Variants in MYO5C observed in about 807,000 individuals in gnomAD.
The protein encoded by MYO5C is myosin VC, also known as unconventional myosin-Vc.
Under a neutral mutation model 235.7 loss-of-function variants are expected in MYO5C, and 194 were observed. That is an observed-to-expected ratio of 0.82 (90% CI 0.73 to 0.93). The LOEUF is 0.93. MYO5C is among the 40% of genes least tolerant of loss of function. MYO5C has a pLI of 0.00. For synonymous variants in MYO5C, 707 were observed against 754.8 expected (o/e 0.94, Z 1.04); for missense variants, 2,038 against 2,127.2 (o/e 0.96, Z 0.82).
intron 29 of MYO5C, among the ~76,000 whole-genome samples, chr15:52,222,711 G>A (rs1431475838): frequency 1.3e-5 from 2 of 152,176 alleles, no homozygotes; most frequent in Non-Finnish European, 2.9e-5. Context: ...AAAGAAATGG[G>A]TGATGGCCAC....
chr15:52,275,772 A>G, intron 4 of MYO5C, 54 bp from the exon 5 acceptor site: 1 of 1,564,370 alleles, frequency 6.4e-7, no homozygotes, highest in South Asian at 1.1e-5. Context: ...AAGAGGCAAC[A>G]TGTGCTAATT....
intron 34 of MYO5C, 135 bp from the exon 35 acceptor site, chr15:52,212,019 T>C: frequency 2.5e-6 from 2 of 812,846 alleles, no homozygotes; most frequent in East Asian, 5.5e-5. Context: ...ATTTATTTCC[T>C]CTTTGAGGAA....
In MYO5C at chr15:52,205,113, G is replaced by C. The variant is rs754210704; in HGVS notation, c.4572C>G (p.Gly1524=). ...AGCCTGTGGGCTTCAGGCCGGAAATGCCCTGCAGGCTCTCATACTCCAGCA... is the reference window on the plus strand; with the variant it reads ...AGCCTGTGGGCTTCAGGCCGGAAATCCCCTGCAGGCTCTCATACTCCAGCA... The part of the protein sequence containing the change: ...PGMLEYESLQ[G]ISGLKPTGFR... The change falls in exon 38 of 41, where the codon GGC becomes GGG. Residue 1524 remains glycine, a synonymous_variant. Transcript: ENST00000261839. The C allele has an allele frequency of 2.8e-5, 46 of 1,614,196 alleles. No homozygotes were observed. In the East Asian group the frequency reaches 8.9e-4, roughly 31 times the overall value.
chr15:52,242,160 T>C lies in MYO5C; in HGVS notation c.2444A>G (p.Gln815Arg). ...LKEAWAAIII[Q>R]KHCRGYLVRS... Reference sequence around the variant, plus strand: ...AACAAGATACCCGCGGCAGTGCTTCTGAATGATTATGGCTGCCCAAGCTTC... The same window carrying C: ...AACAAGATACCCGCGGCAGTGCTTCCGAATGATTATGGCTGCCCAAGCTTC... The change falls in exon 20 of 41, where the codon CAG becomes CGG. Residue 815 changes from glutamine (Q) to arginine (R), a missense_variant. Coordinates refer to ENST00000261839, the MANE Select transcript of MYO5C (RefSeq NM_018728.4). 6.2e-7 allele frequency: 1 copy of C among 1,614,144 alleles called. No homozygotes were observed. The highest frequency in any genetic ancestry group is 8.5e-7 in the Non-Finnish European group (1 of 1,179,972).
At chr15:52,218,469 C>A in intron 32 of MYO5C, 50 bp downstream of exon 32, 1 of 1,572,064 alleles carries the variant, frequency 6.4e-7, no homozygotes, top group South Asian at 1.1e-5. Context: ...CCCCTTTCAG[C>A]AACATCTGCA....
chr15:52,224,872 A>G, intron 28 of MYO5C, 29 bp downstream of exon 28: 4 of 1,577,838 alleles, frequency 2.5e-6, no homozygotes, highest in Non-Finnish European at 3.5e-6. Context: ...TCTGAAAAAT[A>G]AAGAAGATCC....
chr15:52,259,848 C>A (rs2036654653), intron 10 of MYO5C, among the ~76,000 whole-genome samples: 1 of 152,258 alleles, frequency 6.6e-6, no homozygotes, highest in Non-Finnish European at 1.5e-5. Context: ...GCCCTGTCCC[C>A]CTCCTCCCCA....
intron 23 of MYO5C, 57 bp downstream of exon 23, chr15:52,235,613 T>C: frequency 2.9e-6 from 4 of 1,401,476 alleles, no homozygotes; most frequent in Admixed American, 1.9e-5. Context: ...AACCCCAGTA[T>C]TGTTTACTGA....
rs771686698 is a variant in MYO5C, at chr15:52,244,447, T to C, written c.2299A>G (p.Met767Val). 16 of 1,614,100 alleles carry C rather than the reference T, an allele frequency of 9.9e-6. No homozygotes were observed. Among genetic ancestry groups the C allele is most frequent in the Middle Eastern group, 3.3e-4 (2 of 6,076 alleles). Residue 767 changes from methionine (M) to valine (V), a missense_variant, in exon 19 of 41, where the codon ATG (methionine) becomes GTG (valine). Met to Val is a conservative substitution (Grantham distance 21). Coordinates refer to ENST00000261839, the MANE Select transcript of MYO5C (RefSeq NM_018728.4). ...RQSCVMVQKH[M>V]RGWLQRKKFL... Reference sequence around the variant, plus strand: ...TTTTTCCTCTGGAGCCAGCCACGCATGTGCTTTTGTACCATAACACAACTC... The same window carrying C: ...TTTTTCCTCTGGAGCCAGCCACGCACGTGCTTTTGTACCATAACACAACTC...
intron 2 of MYO5C, among the ~76,000 whole-genome samples, chr15:52,280,595 G>A (rs1490188782): frequency 3.3e-5 from 5 of 152,188 alleles, no homozygotes; most frequent in Non-Finnish European, 7.3e-5. Context: ...CCGCCTTCCA[G>A]GTATTCAGTC....
chr15:52,263,402 C>G (rs575278255), intron 9 of MYO5C, among the ~76,000 whole-genome samples: 1 of 152,220 alleles, frequency 6.6e-6, no homozygotes, highest in South Asian at 2.1e-4. Context: ...ATAAAGAAAT[C>G]TTTCACAAAA....
rs2141320828 is a variant in MYO5C at position 52,242,186 on chromosome 15, T to C, written c.2418A>G (p.Lys806=). The C allele has an allele frequency of 1.2e-6, 2 of 1,613,788 alleles. No individual in the cohort carries two copies. Among genetic ancestry groups the C allele is most frequent in the African/African-American group, 1.3e-5 (1 of 75,062 alleles). Residue 806 remains lysine, a synonymous_variant, in exon 20 of 41, where the codon AAA becomes AAG. Coordinates refer to ENST00000261839, the MANE Select transcript of MYO5C (RefSeq NM_018728.4). ...GAATGATTATGGCTGCCCAAGCTTC[T>C]TTTAAGGCCACTGCAGTAATAGCTT... is the stretch of plus-strand genomic sequence containing the variant. ...VRKAITAVAL[K]EAWAAIIIQK... is the part of the protein sequence containing the mutation.
chr15:52,206,442 C>G (rs2035316149), intron 36 of MYO5C, among the ~76,000 whole-genome samples: 1 of 152,128 alleles, frequency 6.6e-6, no homozygotes, highest in Non-Finnish European at 1.5e-5. Flanking sequence ...CCTAGTGTGG[C>G]TGTATTTGGA....
intron 12 of MYO5C, among the ~76,000 whole-genome samples, chr15:52,251,869 T>G (rs2036480726): frequency 6.6e-6 from 1 of 152,104 alleles, no homozygotes; most frequent in Non-Finnish European, 1.5e-5. Flanking sequence ...TTCACCATGT[T>G]GGCCAGGCTG....
chr15:52,264,297 C>G lies in MYO5C; in HGVS notation c.941-1G>C, dbSNP rs1228700290. 10 of 1,611,570 alleles carry G rather than the reference C, an allele frequency of 6.2e-6. No homozygotes were observed. Among genetic ancestry groups the G allele is most frequent in the Non-Finnish European group, 7.6e-6 (9 of 1,177,990 alleles). On this transcript the variant is annotated splice_acceptor_variant, in intron 8 of 40. Coordinates refer to ENST00000261839, the MANE Select transcript of MYO5C (RefSeq NM_018728.4). LOFTEE classifies it high-confidence loss of function. ...TCCATCTGAAAATCCTCCTTGAAAC[C>G]TAAAAACAAACATTTTCCCAGATTA...
At position 52,205,057 on chromosome 15, in the gene MYO5C, G is replaced by C. The variant is rs1375734415; in HGVS notation, c.4628C>G (p.Thr1543Arg). The C allele has an allele frequency of 1.1e-5, 17 of 1,614,104 alleles. No homozygotes were observed. Among genetic ancestry groups the C allele is most frequent in the Admixed American group, 5.0e-5 (3 of 60,014 alleles). ...FRKRSSSIDDTDGYTMTSVLQ... is the reference protein window; with the variant it reads ...FRKRSSSIDDRDGYTMTSVLQ... ...GACGGAGGTCATGGTGTAGCCGTCC[G>C]TGTCGTCTATGCTAGAGGAGCGCTT... Residue 1543 changes from threonine (T) to arginine (R), a missense_variant, in exon 38 of 41, where the codon ACG (threonine) becomes AGG (arginine). Coordinates refer to ENST00000261839, the MANE Select transcript of MYO5C (RefSeq NM_018728.4).
intron 7 of MYO5C, among the ~76,000 whole-genome samples, chr15:52,270,238 C>T (rs554456734): frequency 5.3e-5 from 8 of 152,122 alleles, no homozygotes; most frequent in African/African-American, 7.2e-5. Context: ...GCCGTGCTGG[C>T]GCTACTGCAC....
chr15:52,257,761 G>C (rs1273540945), intron 10 of MYO5C, among the ~76,000 whole-genome samples: 1 of 152,196 alleles, frequency 6.6e-6, no homozygotes, highest in Non-Finnish European at 1.5e-5. Context: ...AATGCAATTC[G>C]ACCCCAGTGC....
chr15:52,293,662 C>G (rs571830951), intron 1 of MYO5C, among the ~76,000 whole-genome samples: 11 of 152,122 alleles, frequency 7.2e-5, no homozygotes, highest in Non-Finnish European at 1.5e-4. Flanking sequence ...AGTCCAGCCT[C>G]TCAGCCTCAC....
Sources: gnomAD v4.1 joint callset for allele counts (sites outside exome capture counted in the v4.1 genomes callset) on GRCh38, gnomAD v4.1.1 for gene constraint, MANE v1.5 for transcripts, NCBI Gene and HGNC (gene_info 2026-07-23, HGNC 2026-07-21) for gene names.